The following ADAM17 variants were observed in gnomAD, a reference collection of about 807,000 sequenced individuals.
ADAM17 encodes disintegrin and metalloproteinase domain-containing protein 17.
ADAM17 carries 39 observed loss-of-function variants against 96.7 expected under a neutral mutation model. That is an observed-to-expected ratio of 0.40 (90% CI 0.31 to 0.53). The LOEUF is 0.53. Among genes scored for constraint, ADAM17 ranks in the 20% least tolerant of loss-of-function variants. The probability of loss-of-function intolerance (pLI) is 0.44; values close to 1 mark genes in which losing one functional copy is unlikely to be tolerated. For synonymous variants in ADAM17, 344 were observed against 359.2 expected, an observed-to-expected ratio of 0.96 and a Z score of 0.48; for missense variants, 777 against 1,013.2, an observed-to-expected ratio of 0.77 and a Z score of 3.17.
rs1450714758 is a variant in ADAM17 at position 9,492,988 on chromosome 2, T to C, written c.1994-2A>G. The stretch of plus-strand genomic sequence containing the variant: ...CGATGTTGTCTGCTAAAAACTTTCC[T>C]GTGAACAATTCCAAACAGTTAATGT... On this transcript the variant is annotated splice_acceptor_variant, in intron 16 of 18. Coordinates refer to ENST00000310823, the MANE Select transcript of ADAM17 (RefSeq NM_003183.6). LOFTEE classifies it high-confidence loss of function. 1 of 1,608,116 alleles carries C rather than the reference T, an allele frequency of 6.2e-7. No homozygotes were observed. The highest frequency in any genetic ancestry group is 1.1e-5 in the South Asian group (1 of 89,840).
chr2:9,534,284 G>A (rs969696988), intron 4 of ADAM17, among the ~76,000 whole-genome samples: 2 of 152,190 alleles, frequency 1.3e-5, no homozygotes, highest in African/African-American at 4.8e-5. Context: ...CGGGAGAACC[G>A]CCTGAACCCA....
chr2:9,526,249 T>C lies in ADAM17; in HGVS notation c.620-5A>G, dbSNP rs865800387. ...TTTTCACTCGATGAACAAGCTCTAA[T>C]ATGAATTTGTATGCACTATTAAATC... is the stretch of plus-strand genomic sequence containing the variant. On this transcript the variant is annotated splice_polypyrimidine_tract_variant and splice_region_variant and intron_variant, in intron 5 of 18. Coordinates refer to ENST00000310823, the MANE Select transcript of ADAM17 (RefSeq NM_003183.6). 3 of 1,612,070 alleles carry C rather than the reference T, an allele frequency of 1.9e-6. No homozygotes were observed. In the Admixed American group the frequency reaches 5.0e-5, roughly 27 times the overall value.
intron 14 of ADAM17, among the ~76,000 whole-genome samples, chr2:9,496,094 C>T (rs898088805): frequency 6.6e-6 from 1 of 151,984 alleles, no homozygotes; most frequent in Admixed American, 6.6e-5. Context: ...ATTTAACTAC[C>T]GGGTTCTTTG....
At chr2:9,492,281 G>T (rs745368302) in intron 17 of ADAM17, among the ~76,000 whole-genome samples, 1 of 152,174 alleles carries the variant, frequency 6.6e-6, no homozygotes, top group Middle Eastern at 3.2e-3. Context: ...GAATGGATTC[G>T]TAAGAACATT....
intron 7 of ADAM17, among the ~76,000 whole-genome samples, chr2:9,522,691 T>A (rs10929587): frequency 0.64 from 96,512 of 151,974 alleles, 32,093 homozygotes; most frequent in Middle Eastern, 0.76. Flanking sequence ...GCAATACCCT[T>A]TGTCAGAAGC....
intron 11 of ADAM17, among the ~76,000 whole-genome samples, chr2:9,506,440 T>C (rs7597019): frequency 0.58 from 86,558 of 148,862 alleles, 26,512 homozygotes; most frequent in African/African-American, 0.71. Context: ...AATCTTGGCT[T>C]ATTGTAACCT....
rs1397202515 is a variant in ADAM17 at position 9,489,682 on chromosome 2, G to GA, written c.*494dup. Reference sequence around the variant, plus strand: ...ACTAGAAATAGACCCACAATTTAGAGACAATGTATACTAGATTTATCTCCT... The same window carrying GA: ...ACTAGAAATAGACCCACAATTTAGAGAACAATGTATACTAGATTTATCTCCT... On this transcript the variant is annotated 3_prime_UTR_variant, in exon 19 of 19. Coordinates refer to ENST00000310823, the MANE Select transcript of ADAM17 (RefSeq NM_003183.6). 8.1e-6 allele frequency: 1 copy of GA among 123,540 alleles called. No homozygotes were observed. Among genetic ancestry groups the GA allele is most frequent in the Non-Finnish European group, 1.6e-5 (1 of 62,838 alleles). The allele number at this position is 123,540 out of a possible 1,614,324, so 7.7% of individuals were successfully genotyped here.
chr2:9,526,360 T>A, intron 5 of ADAM17, 116 bp from the exon 6 acceptor site: 2 of 1,060,104 alleles, frequency 1.9e-6, no homozygotes, highest in Non-Finnish European at 2.6e-6. Context: ...TTAATATCAC[T>A]AAAGGATTCT....
chr2:9,539,065 A>G (rs983099923), intron 2 of ADAM17, among the ~76,000 whole-genome samples: 24 of 151,976 alleles, frequency 1.6e-4, no homozygotes, highest in African/African-American at 5.6e-4. Context: ...AAAACAGTAT[A>G]TACTCCGCAG....
chr2:9,535,771 C>T (rs544133816), intron 4 of ADAM17, 63 bp downstream of exon 4: 8 of 1,098,598 alleles, frequency 7.3e-6, no homozygotes, highest in Middle Eastern at 2.0e-4. Context: ...CTTTGCAGAA[C>T]TGAGCAGCTT....
At chr2:9,518,324 C>G (rs1572927817) in intron 8 of ADAM17, 77 bp from the exon 9 acceptor site, 2 of 1,390,496 alleles carry the variant, frequency 1.4e-6, no homozygotes, top group African/African-American at 3.0e-5. Flanking sequence ...AAGATGTAAT[C>G]TAAATCAACT....
chr2:9,540,961 C>G (rs1665182934), intron 2 of ADAM17, among the ~76,000 whole-genome samples: 1 of 152,124 alleles, frequency 6.6e-6, no homozygotes, highest in Non-Finnish European at 1.5e-5. Flanking sequence ...TGTCAAATCT[C>G]TTTGGGAGGA....
chr2:9,516,267 T>G (rs1033364096), intron 10 of ADAM17, among the ~76,000 whole-genome samples: 3 of 152,070 alleles, frequency 2.0e-5, no homozygotes, highest in Admixed American at 2.0e-4. Context: ...TATTTTTAAT[T>G]TTGTAGAGAC....
intron 10 of ADAM17, among the ~76,000 whole-genome samples, chr2:9,513,266 T>C (rs184816988): frequency 2.0e-5 from 3 of 152,340 alleles, no homozygotes; most frequent in African/African-American, 7.2e-5. Context: ...AGTGCTGGGA[T>C]TACAGGCGTG....
chr2:9,551,589 A>G (rs960530002), intron 1 of ADAM17, among the ~76,000 whole-genome samples: 1 of 152,002 alleles, frequency 6.6e-6, no homozygotes, highest in Non-Finnish European at 1.5e-5. Context: ...CCTCCCGAGT[A>G]GCTGGGACTA....
Position 9,490,515 on chromosome 2 carries a change from C to T in ADAM17, c.2137G>A (p.Val713Ile), listed in dbSNP as rs1264887161. 6 of 1,609,712 alleles carry T rather than the reference C, an allele frequency of 3.7e-6. No individual in the cohort carries two copies. The highest frequency in any genetic ancestry group is 5.1e-6 in the Non-Finnish European group (6 of 1,176,740). Residue 713 changes from valine to isoleucine, a missense_variant, in exon 19 of 19, where the codon GTC (valine) becomes ATC (isoleucine). By Grantham distance (29) the Val-to-Ile change is conservative. Coordinates refer to ENST00000310823, the MANE Select transcript of ADAM17 (RefSeq NM_003183.6). ...ESLSLFHPSN[V>I]EMLSSMDSAS... ...GAATCCATGCTGCTCAGCATTTCGA[C>T]GTTCTGCAAAGACATGGGTTCAATT...
chr2:9,528,271 A>G (rs1340799387), intron 4 of ADAM17, among the ~76,000 whole-genome samples: 1 of 152,212 alleles, frequency 6.6e-6, no homozygotes, highest in Non-Finnish European at 1.5e-5. Flanking sequence ...TTCATTCAAA[A>G]ATATTATGTA....
chr2:9,539,201 G>A (rs1665108868), intron 2 of ADAM17, among the ~76,000 whole-genome samples: 1 of 151,102 alleles, frequency 6.6e-6, no homozygotes, highest in South Asian at 2.1e-4. Context: ...TCCACCTCCT[G>A]GGTTCACGCC....
chr2:9,546,749 C>T (rs1451368788), intron 1 of ADAM17, among the ~76,000 whole-genome samples: 1 of 140,206 alleles, frequency 7.1e-6, no homozygotes, highest in African/African-American at 2.7e-5. Context: ...CTCACTCTGT[C>T]GCCAGGCTGG....
Sources: gnomAD v4.1 joint callset for allele counts (sites outside exome capture counted in the v4.1 genomes callset) on GRCh38, gnomAD v4.1.1 for gene constraint, MANE v1.5 for transcripts, NCBI Gene and HGNC (gene_info 2026-07-23, HGNC 2026-07-21) for gene names.